The following KALRN variants were observed in gnomAD, a reference collection of about 807,000 sequenced individuals.
KALRN encodes kalirin RhoGEF kinase, also known as kalirin.
KALRN carries 70 observed loss-of-function variants against 353.7 expected under a neutral mutation model. That is an observed-to-expected ratio of 0.20 (90% CI 0.16 to 0.24). The LOEUF (loss-of-function observed/expected upper bound fraction) is 0.24. Among genes scored for constraint, KALRN ranks in the 10% least tolerant of loss-of-function variants. KALRN has a pLI of 1.00. For missense variants in KALRN, 2,791 were observed against 3,756.7 expected (o/e 0.74, Z 6.72); for synonymous variants, 1,391 against 1,434.8 (o/e 0.97, Z 0.69).
At chr3:124,311,874 T>C (rs890881661) in intron 6 of KALRN, among the ~76,000 whole-genome samples, 2 of 152,320 alleles carry the variant, frequency 1.3e-5, no homozygotes, top group Middle Eastern at 3.4e-3. Context: ...TTGAAAACAT[T>C]TTGCTAAGTG....
intron 51 of KALRN, among the ~76,000 whole-genome samples, chr3:124,690,399 G>A (rs1250730453): frequency 6.6e-6 from 1 of 152,122 alleles, no homozygotes; most frequent in Non-Finnish European, 1.5e-5. Context: ...TTCTATGACC[G>A]TAGTCCAGAG....
At chr3:124,416,325 G>C (rs2092494992) in intron 14 of KALRN, among the ~76,000 whole-genome samples, 1 of 152,244 alleles carries the variant, frequency 6.6e-6, no homozygotes, top group African/African-American at 2.4e-5. Context: ...CCTGAGGACT[G>C]CTTATGACTG....
intron 1 of KALRN, among the ~76,000 whole-genome samples, chr3:124,121,593 T>C (rs531601247): frequency 2.1e-4 from 32 of 152,150 alleles, no homozygotes; most frequent in Non-Finnish European, 4.3e-4. Context: ...TATCAGACCA[T>C]TAGGGAAGGG....
intron 3 of KALRN, among the ~76,000 whole-genome samples, chr3:124,244,162 GT>G (rs1195226351): frequency 6.6e-6 from 1 of 152,116 alleles, no homozygotes; most frequent in Admixed American, 6.6e-5. Flanking sequence ...TATTTTAAGA[GT>G]TTTTTAAAGC....
intron 28 of KALRN, among the ~76,000 whole-genome samples, chr3:124,486,778 A>G (rs771863016): frequency 1.3e-5 from 2 of 152,212 alleles, no homozygotes; most frequent in Non-Finnish European, 2.9e-5. Flanking sequence ...TAAATTATGT[A>G]TGTCACATTG....
intron 1 of KALRN, among the ~76,000 whole-genome samples, chr3:124,044,889 CCTTCCTT>C (rs1189713248): frequency 5.7e-5 from 1 of 17,526 alleles, no homozygotes; most frequent in Non-Finnish European, 1.5e-4. Flanking sequence ...TTCCTTCCTT[CCTTCCTT>C]CCTTCCTTCC....
At chr3:124,097,067 G>A (rs2061499548) in intron 1 of KALRN, among the ~76,000 whole-genome samples, 2 of 152,240 alleles carry the variant, frequency 1.3e-5, no homozygotes, top group Admixed American at 1.3e-4. Context: ...TGGAGGTTGG[G>A]TGTTGATTAT....
At chr3:124,632,281 T>G in intron 34 of KALRN, 139 bp from the exon 35 acceptor site, 4 of 731,254 alleles carry the variant, frequency 5.5e-6, no homozygotes, top group Middle Eastern at 2.8e-4. Context: ...GTTGAGAGGG[T>G]TCTCTGGACT....
At chr3:124,399,669 C>A (rs1332038855) in intron 13 of KALRN, among the ~76,000 whole-genome samples, 1 of 152,160 alleles carries the variant, frequency 6.6e-6, no homozygotes, top group South Asian at 2.1e-4. Context: ...AACCTGTATC[C>A]GCAGTTTGAT....
At chr3:124,210,911 A>AT (rs1242051657) in intron 1 of KALRN, among the ~76,000 whole-genome samples, 74 of 152,162 alleles carry the variant, frequency 4.9e-4, no homozygotes, top group African/African-American at 1.6e-3. Flanking sequence ...GAAGGGAATA[A>AT]TTTTTTTTCC....
In KALRN at chr3:124,413,685, C is replaced by T. The variant is rs1430406996; in HGVS notation, c.2542+20C>T. The T allele has an allele frequency of 1.9e-6, 3 of 1,601,662 alleles. No homozygotes were observed. Among genetic ancestry groups the T allele is most frequent in the Non-Finnish European group, 2.6e-6 (3 of 1,170,490 alleles). ...CATCAGGTGGGTGACCTCGCTCATT[C>T]TCCTGGCAGAGGAGATGATGAAAAC... On this transcript the variant is annotated intron_variant, in intron 14 of 59. Coordinates refer to ENST00000682506, the MANE Select transcript of KALRN (RefSeq NM_001388419.1).
At chr3:124,581,922 T>A (rs1032551968) in intron 34 of KALRN, among the ~76,000 whole-genome samples, 1 of 152,102 alleles carries the variant, frequency 6.6e-6, no homozygotes, top group Non-Finnish European at 1.5e-5. Context: ...ATGTGAGGAT[T>A]AAGGATCCTG....
intron 1 of KALRN, among the ~76,000 whole-genome samples, chr3:124,211,310 C>T (rs1455304953): frequency 6.6e-6 from 1 of 152,222 alleles, no homozygotes; most frequent in East Asian, 1.9e-4. Flanking sequence ...TTGAGGTGGA[C>T]ATTGATGAAC....
intron 4 of KALRN, among the ~76,000 whole-genome samples, chr3:124,265,629 A>G (rs1258692741): frequency 6.6e-6 from 1 of 152,122 alleles, no homozygotes; most frequent in Non-Finnish European, 1.5e-5. Flanking sequence ...AAATCTCAAC[A>G]AACAAGAAGG....
chr3:124,475,352 A>G (rs1350552174), intron 26 of KALRN, among the ~76,000 whole-genome samples: 3 of 152,178 alleles, frequency 2.0e-5, no homozygotes, highest in Non-Finnish European at 2.9e-5. Context: ...GGCCAAGTAA[A>G]GGGGCTGAAT....
chr3:124,270,926 T>C (rs879093540), intron 5 of KALRN, among the ~76,000 whole-genome samples: 1 of 146,864 alleles, frequency 6.8e-6, no homozygotes, highest in Admixed American at 7.0e-5. Context: ...ACCTCCCGGG[T>C]TCACGCCATT....
At chr3:124,558,316 C>T (rs1282607068) in intron 33 of KALRN, among the ~76,000 whole-genome samples, 1 of 152,022 alleles carries the variant, frequency 6.6e-6, no homozygotes, top group Non-Finnish European at 1.5e-5. Flanking sequence ...CTCACTGTGA[C>T]TCCCAGGCTG....
Position 124,634,022 on chromosome 3 carries a change from T to C in KALRN, c.5568+69T>C. 18 of 1,134,214 alleles carry C rather than the reference T, an allele frequency of 1.6e-5. No individual in the cohort carries two copies. In the South Asian group the frequency reaches 2.4e-4, roughly 15 times the overall value. The allele number at this position is 1,134,214 out of a possible 1,614,324, so 70.3% of individuals were successfully genotyped here. On this transcript the variant is annotated intron_variant, in intron 36 of 59. Coordinates refer to ENST00000682506, the MANE Select transcript of KALRN (RefSeq NM_001388419.1). ...GCGTGATTTTGTTTTTTGTGTGTGA[T>C]GGGGGTAGTCATACTCTTTCTCCCA...
At chr3:124,061,824 G>A (rs898573957) in intron 1 of KALRN, among the ~76,000 whole-genome samples, 2 of 152,138 alleles carry the variant, frequency 1.3e-5, no homozygotes, top group African/African-American at 2.4e-5. Flanking sequence ...GCACTGTAGC[G>A]AGTCCATACA....
Sources: allele counts gnomAD v4.1 joint callset (sites outside exome capture counted in the v4.1 genomes callset), GRCh38; gene constraint gnomAD v4.1.1; transcripts MANE v1.5; gene names NCBI Gene and HGNC (gene_info 2026-07-23, HGNC 2026-07-21).